SLC24A3: variants seen among roughly 807,000 people sequenced by gnomAD.
SLC24A3 encodes the protein sodium/potassium/calcium exchanger 3.
In SLC24A3, 28 loss-of-function variants were observed where a neutral mutation model predicts 75.8. The ratio of observed to expected loss-of-function variants is 0.37; its 90% CI spans 0.27 to 0.51. The LOEUF is 0.51. Among genes scored for constraint, SLC24A3 ranks in the 20% least tolerant of loss-of-function variants. The pLI is 0.94. For missense variants in SLC24A3, 663 were observed against 847.8 expected, an observed-to-expected ratio of 0.78 and a Z score of 2.71; for synonymous variants, 372 against 334.1, an observed-to-expected ratio of 1.11 and a Z score of -1.24.
chr20:19,270,604 C>T (rs1307852648), intron 1 of SLC24A3, among the ~76,000 whole-genome samples: 2 of 152,150 alleles, frequency 1.3e-5, no homozygotes, highest in Non-Finnish European at 2.9e-5. Context: ...TTAGCAAGGG[C>T]ACTAATCCCA....
In SLC24A3 at chr20:19,456,852, C is replaced by T. The variant is rs146381814; in HGVS notation, c.272-58636C>T. On this transcript the variant is annotated intron_variant, in intron 2 of 16. Transcript: ENST00000328041. Reference sequence around the variant, plus strand: ...GCAACACACCAGTCACCACCCTGGGCTTATTACACTCCCCAGTACTCAGTC... The same window carrying T: ...GCAACACACCAGTCACCACCCTGGGTTTATTACACTCCCCAGTACTCAGTC... 2.0e-3 allele frequency among the ~76,000 whole-genome samples: 302 copies of T among 152,306 alleles called. 1 individual carries two copies. Among genetic ancestry groups the T allele is most frequent in the African/African-American group, 6.9e-3 (287 of 41,560 alleles).
intron 2 of SLC24A3, among the ~76,000 whole-genome samples, chr20:19,453,800 G>T (rs1225704072): frequency 6.6e-6 from 1 of 152,178 alleles, no homozygotes; most frequent in Non-Finnish European, 1.5e-5. Flanking sequence ...CAGATCACTT[G>T]CAGGGCCTGC....
At chr20:19,541,408 G>T (rs533878237) in intron 3 of SLC24A3, among the ~76,000 whole-genome samples, 1 of 152,344 alleles carries the variant, frequency 6.6e-6, no homozygotes, top group South Asian at 2.1e-4. Flanking sequence ...TCCAGGAGCA[G>T]CCTCCCTTTT....
At chr20:19,696,036 G>A (rs560299465) in intron 13 of SLC24A3, among the ~76,000 whole-genome samples, 265 of 10,064 alleles carry the variant, frequency 0.026, 3 homozygotes, top group Non-Finnish European at 0.069. Context: ...TTTTTTTTGT[G>A]AGACAGGGTC....
intron 2 of SLC24A3, among the ~76,000 whole-genome samples, chr20:19,454,489 C>G (rs1987545376): frequency 6.6e-6 from 1 of 152,156 alleles, no homozygotes; most frequent in African/African-American, 2.4e-5. Flanking sequence ...GCTATGTTAG[C>G]AATTGGTTGG....
chr20:19,260,861 C>G (rs1272673373), intron 1 of SLC24A3, among the ~76,000 whole-genome samples: 1 of 152,232 alleles, frequency 6.6e-6, no homozygotes, highest in African/African-American at 2.4e-5. Context: ...CGACACGCTC[C>G]TCTTACTCAG....
At chr20:19,502,755 G>T (rs139972811) in intron 2 of SLC24A3, among the ~76,000 whole-genome samples, 1 of 151,292 alleles carries the variant, frequency 6.6e-6, no homozygotes, top group African/African-American at 2.4e-5. Context: ...AGAAGACCGG[G>T]TGCAGTGGCT....
chr20:19,310,459 G>A (rs1984433009), intron 2 of SLC24A3, among the ~76,000 whole-genome samples: 1 of 152,152 alleles, frequency 6.6e-6, no homozygotes, highest in African/African-American at 2.4e-5. Context: ...AAATCAATAA[G>A]GCTCTGAATG....
intron 10 of SLC24A3, among the ~76,000 whole-genome samples, chr20:19,683,352 A>G (rs1302332675): frequency 1.3e-5 from 2 of 152,256 alleles, no homozygotes; most frequent in Non-Finnish European, 1.5e-5. Context: ...TAGTATTACA[A>G]GAGGCTGCAG....
chr20:19,470,542 G>A (rs554817883), intron 2 of SLC24A3, among the ~76,000 whole-genome samples: 4 of 152,236 alleles, frequency 2.6e-5, no homozygotes, highest in South Asian at 2.1e-4. Flanking sequence ...AAGTCTGTAC[G>A]CTGAACTTCT....
chr20:19,471,317 G>A (rs1987865602), intron 2 of SLC24A3, among the ~76,000 whole-genome samples: 1 of 152,214 alleles, frequency 6.6e-6, no homozygotes, highest in South Asian at 2.1e-4. Context: ...ATATGGTCCT[G>A]ACAGATTCAC....
At chr20:19,380,805 A>C (rs1311787366) in intron 2 of SLC24A3, among the ~76,000 whole-genome samples, 1 of 152,240 alleles carries the variant, frequency 6.6e-6, no homozygotes, top group Non-Finnish European at 1.5e-5. Context: ...CCAACCTTGG[A>C]CATGAGAGTG....
At chr20:19,217,453 G>A (rs888449816) in intron 1 of SLC24A3, among the ~76,000 whole-genome samples, 5 of 152,166 alleles carry the variant, frequency 3.3e-5, no homozygotes, top group East Asian at 1.9e-4. Flanking sequence ...ACACACAGAC[G>A]TATGTATGTA....
At chr20:19,497,122 G>A (rs1988301544) in intron 2 of SLC24A3, among the ~76,000 whole-genome samples, 1 of 152,196 alleles carries the variant, frequency 6.6e-6, no homozygotes, top group African/African-American at 2.4e-5. Context: ...GGCATAGAAA[G>A]AGTCCCTACA....
intron 1 of SLC24A3, among the ~76,000 whole-genome samples, chr20:19,272,125 C>T (rs979125011): frequency 1.6e-4 from 24 of 152,228 alleles, no homozygotes; most frequent in Admixed American, 3.3e-4. Flanking sequence ...CTGTGCTGCC[C>T]GCCCAGCCAC....
chr20:19,436,923 C>G (rs935863301), intron 2 of SLC24A3, among the ~76,000 whole-genome samples: 6 of 152,110 alleles, frequency 3.9e-5, no homozygotes, highest in Admixed American at 6.5e-5. Context: ...GATAGCAGCC[C>G]CCATTGATGA....
intron 2 of SLC24A3, among the ~76,000 whole-genome samples, chr20:19,358,756 G>A (rs904504947): frequency 3.3e-5 from 5 of 152,290 alleles, no homozygotes; most frequent in Admixed American, 1.3e-4. Context: ...TTCTGTATCC[G>A]TTAGCAGTCG....
At chr20:19,525,867 A>G (rs1382916836) in intron 3 of SLC24A3, among the ~76,000 whole-genome samples, 1 of 152,086 alleles carries the variant, frequency 6.6e-6, no homozygotes, top group Non-Finnish European at 1.5e-5. Flanking sequence ...CTCATTCCAC[A>G]GGCGCGGCTG....
chr20:19,302,802 CCTTATCA>C (rs1800842822), intron 2 of SLC24A3, among the ~76,000 whole-genome samples: 1 of 152,156 alleles, frequency 6.6e-6, no homozygotes, highest in Non-Finnish European at 1.5e-5. Context: ...TAGTATTCCA[CCTTATCA>C]CTTGATTGCC....
Sources: allele counts gnomAD v4.1 joint callset (sites outside exome capture counted in the v4.1 genomes callset), GRCh38; gene constraint gnomAD v4.1.1; transcripts MANE v1.5; gene names NCBI Gene and HGNC (gene_info 2026-07-23, HGNC 2026-07-21).